The following CHST3 variants were observed in gnomAD, a reference collection of about 807,000 sequenced individuals.
CHST3 encodes the protein C6ST-1.
CHST3 carries 20 observed loss-of-function variants against 35.4 expected under a neutral mutation model. That is an observed-to-expected ratio of 0.57 (90% CI 0.40 to 0.82). CHST3 has a LOEUF of 0.82. Ranked by LOEUF, CHST3 falls within the 40% of genes least tolerant of loss-of-function variation. The pLI, the probability that CHST3 is intolerant of heterozygous loss-of-function variation, is 0.00. For missense variants in CHST3, 693 were observed against 670.1 expected, an observed-to-expected ratio of 1.03 and a Z score of -0.38; for synonymous variants, 334 against 295.9, an observed-to-expected ratio of 1.13 and a Z score of -1.32.
At chr10:71,989,294 A>T (rs1337502925) in intron 1 of CHST3, among the ~76,000 whole-genome samples, 1 of 152,242 alleles carries the variant, frequency 6.6e-6, no homozygotes, top group African/African-American at 2.4e-5. Context: ...AGCTTTTTTT[A>T]AAAATAGCGA....
chr10:71,990,623 A>G (rs1036803301), intron 1 of CHST3, among the ~76,000 whole-genome samples: 22 of 152,154 alleles, frequency 1.4e-4, no homozygotes, highest in African/African-American at 4.6e-4. Flanking sequence ...TCGGCCTCCC[A>G]AAGTGCTGGA....
intron 1 of CHST3, among the ~76,000 whole-genome samples, chr10:71,967,573 G>A (rs192774111): frequency 2.6e-5 from 4 of 152,236 alleles, no homozygotes; most frequent in South Asian, 2.1e-4. Context: ...CTGGTCTACC[G>A]TTGATGGGCA....
At chr10:71,972,684 C>T (rs1006810667) in intron 1 of CHST3, among the ~76,000 whole-genome samples, 4 of 152,202 alleles carry the variant, frequency 2.6e-5, no homozygotes, top group Non-Finnish European at 5.9e-5. Flanking sequence ...TGTGACCTTT[C>T]AGCAAATATT....
Position 72,013,507 on chromosome 10 carries a change from G to C in CHST3, c.*5036G>C, listed in dbSNP as rs764778577. On this transcript the variant is annotated 3_prime_UTR_variant, in exon 3 of 3. Transcript: ENST00000373115. ...AGAATAGAATGTGAACCCAACTCCT[G>C]ATGGCCTACTTGACTTATTTAATTA... 1 of 152,186 alleles carries C rather than the reference G, an allele frequency of 6.6e-6. No homozygotes were observed. Among genetic ancestry groups the C allele is most frequent in the African/African-American group, 2.4e-5 (1 of 41,450 alleles). The allele number at this position is 152,186 out of a possible 1,614,324, so 9.4% of individuals were successfully genotyped here. A position where few individuals can be genotyped will look rare whatever the true frequency, so the allele number is the denominator to read the frequency against.
chr10:71,966,510 C>T (rs1252666476), intron 1 of CHST3, among the ~76,000 whole-genome samples: 1 of 152,158 alleles, frequency 6.6e-6, no homozygotes, highest in African/African-American at 2.4e-5. Context: ...CACCCCTGCC[C>T]CCTTGTGAAG....
intron 1 of CHST3, among the ~76,000 whole-genome samples, chr10:72,002,306 G>A (rs2031360828): frequency 6.6e-6 from 1 of 152,140 alleles, no homozygotes; most frequent in Admixed American, 6.5e-5. Flanking sequence ...AAAAGAAATA[G>A]TCCCTGGAAG....
intron 1 of CHST3, among the ~76,000 whole-genome samples, chr10:71,972,764 C>G (rs780983469): frequency 3.3e-5 from 5 of 152,226 alleles, no homozygotes; most frequent in Non-Finnish European, 7.3e-5. Flanking sequence ...ACACACACAC[C>G]CTGCTCTCTG....
At chr10:71,999,673 A>G (rs2394850) in intron 1 of CHST3, among the ~76,000 whole-genome samples, 152,338 of 152,348 alleles carry the variant, frequency 1, 76,164 homozygotes, top group Middle Eastern at 1. Flanking sequence ...CCTTCCCCGG[A>G]GGAGGCCGGA....
intron 1 of CHST3, among the ~76,000 whole-genome samples, chr10:71,982,369 T>C (rs1839808849): frequency 6.6e-6 from 1 of 152,212 alleles, no homozygotes; most frequent in Non-Finnish European, 1.5e-5. Context: ...CTGCAGACTC[T>C]CCAGAAGGAA....
At chr10:71,978,744 C>G (rs567218966) in intron 1 of CHST3, among the ~76,000 whole-genome samples, 31 of 152,336 alleles carry the variant, frequency 2.0e-4, no homozygotes, top group African/African-American at 7.2e-4. Flanking sequence ...GAACCGGCCT[C>G]TAGGGAATGC....
intron 1 of CHST3, among the ~76,000 whole-genome samples, chr10:71,970,582 G>A (rs1839683920): frequency 6.6e-6 from 1 of 152,138 alleles, no homozygotes; most frequent in Admixed American, 6.5e-5. Flanking sequence ...AGGGACGCTG[G>A]TGGCTGGGCA....
At chr10:71,976,184 C>G (rs1839743647) in intron 1 of CHST3, among the ~76,000 whole-genome samples, 1 of 152,202 alleles carries the variant, frequency 6.6e-6, no homozygotes. Context: ...CTTTTGAAGC[C>G]ATAGAGGCCC....
At chr10:71,992,997 C>A (rs150446908) in intron 1 of CHST3, among the ~76,000 whole-genome samples, 62 of 152,318 alleles carry the variant, frequency 4.1e-4, no homozygotes, top group African/African-American at 1.2e-3. Flanking sequence ...CTTGTCCAAC[C>A]CGCAGGCCAC....
chr10:71,974,825 C>T (rs891486740), intron 1 of CHST3, among the ~76,000 whole-genome samples: 5 of 152,152 alleles, frequency 3.3e-5, no homozygotes, highest in African/African-American at 9.7e-5. Flanking sequence ...TTCTCCTCCC[C>T]AGCCACTGTC....
intron 1 of CHST3, among the ~76,000 whole-genome samples, chr10:71,984,870 T>A (rs1839833729): frequency 6.6e-6 from 1 of 152,242 alleles, no homozygotes; most frequent in Admixed American, 6.5e-5. Context: ...CCTGGTTCCA[T>A]GCTTGGCCCA....
intron 1 of CHST3, among the ~76,000 whole-genome samples, chr10:71,999,385 C>T (rs1396174352): frequency 2.0e-5 from 3 of 152,208 alleles, no homozygotes; most frequent in Non-Finnish European, 2.9e-5. Context: ...GGAGCTTTCC[C>T]GCAGTGGGTT....
rs767914471 is a variant in CHST3 at position 72,007,748 on chromosome 10, G to C, written c.717G>C (p.Lys239Asn). The C allele has an allele frequency of 1.2e-6, 2 of 1,602,138 alleles. No homozygotes were observed. Among genetic ancestry groups the C allele is most frequent in the Non-Finnish European group, 1.7e-6 (2 of 1,179,712 alleles). ...ACCCCGTCTGTACGCCCTTCGTCAAGAAGGTCTTCGAGAAGTACCACTGCA... is the reference window on the plus strand; with the variant it reads ...ACCCCGTCTGTACGCCCTTCGTCAACAAGGTCTTCGAGAAGTACCACTGCA... Reference protein sequence around the residue: ...CEDPVCTPFVKKVFEKYHCKN... With the variant: ...CEDPVCTPFVNKVFEKYHCKN... The change falls in exon 3 of 3, where the codon AAG (lysine) becomes AAC (asparagine). Residue 239 changes from lysine (K) to asparagine (N), a missense_variant. Transcript: ENST00000373115.
At position 72,002,940 on chromosome 10, in the gene CHST3, G is replaced by A. The variant is rs1191725878; in HGVS notation, c.-107-2796G>A. ...TGCTTGCATTCTGGGAAGGGAGATG[G>A]TCAGCCAGAAAGCCCCACCATAGGA... On this transcript the variant is annotated intron_variant, in intron 1 of 2. Coordinates refer to ENST00000373115, the MANE Select transcript of CHST3 (RefSeq NM_004273.5). Among the ~76,000 whole-genome samples, 3 of 152,188 alleles carry A rather than the reference G, an allele frequency of 2.0e-5. No homozygotes were observed. In the East Asian group the frequency reaches 5.8e-4, roughly 29 times the overall value.
Position 71,982,412 on chromosome 10 carries a change from G to A in CHST3, c.-108+17718G>A, listed in dbSNP as rs556119145. Among the ~76,000 whole-genome samples, 3 of 152,346 alleles carry A rather than the reference G, an allele frequency of 2.0e-5. No homozygotes were observed. In the South Asian group the frequency reaches 6.2e-4, roughly 32 times the overall value. ...CTTTTGGCACCTTCATGTTAAGTCAGTGAAACTGACCTCACACTTCTGACA... is the reference window on the plus strand; with the variant it reads ...CTTTTGGCACCTTCATGTTAAGTCAATGAAACTGACCTCACACTTCTGACA... On this transcript the variant is annotated intron_variant, in intron 1 of 2. Coordinates refer to ENST00000373115, the MANE Select transcript of CHST3 (RefSeq NM_004273.5).
Sources: allele counts gnomAD v4.1 joint callset (sites outside exome capture counted in the v4.1 genomes callset), GRCh38; gene constraint gnomAD v4.1.1; transcripts MANE v1.5; gene names NCBI Gene and HGNC (gene_info 2026-07-23, HGNC 2026-07-21).